CNTLN: variants seen among roughly 807,000 people sequenced by gnomAD.
The protein encoded by CNTLN is centlein, also known as centlein, centrosomal protein.
CNTLN carries 212 observed loss-of-function variants against 180.0 expected under a neutral mutation model. That is an observed-to-expected ratio of 1.18 (90% CI 1.05 to 1.32). CNTLN has a LOEUF of 1.32. Ranked by LOEUF, CNTLN falls within the 40% of genes most tolerant of loss-of-function variation. The pLI, the probability that CNTLN is intolerant of heterozygous loss-of-function variation, is 0.00. For missense variants in CNTLN, 2,095 were observed against 1,610.9 expected, an observed-to-expected ratio of 1.30 and a Z score of -5.14; for synonymous variants, 722 against 563.1, an observed-to-expected ratio of 1.28 and a Z score of -3.99.
chr9:17,200,186 C>T (rs545103050), intron 2 of CNTLN, among the ~76,000 whole-genome samples: 2 of 152,224 alleles, frequency 1.3e-5, no homozygotes, highest in African/African-American at 4.8e-5. Flanking sequence ...CATTCTGTTC[C>T]ATTGGTCTAC....
intron 7 of CNTLN, chr9:17,299,383 G>C: frequency 2.3e-6 from 2 of 867,392 alleles, no homozygotes; most frequent in Non-Finnish European, 2.8e-6. Flanking sequence ...GTGAGGCTTA[G>C]AGAGGTTAAA....
intron 10 of CNTLN, 52 bp from the exon 11 acceptor site, chr9:17,340,775 A>G: frequency 2.0e-6 from 3 of 1,480,688 alleles, no homozygotes; most frequent in South Asian, 2.6e-5. Context: ...TTGAAACATT[A>G]TATTAATACT....
intron 6 of CNTLN, among the ~76,000 whole-genome samples, chr9:17,293,229 T>TG (rs1175407352): frequency 6.6e-6 from 1 of 152,234 alleles, no homozygotes; most frequent in Non-Finnish European, 1.5e-5. Flanking sequence ...CAACCCCTGT[T>TG]GGGGTCTCAC....
rs28874037 is a variant in CNTLN at position 17,200,444 on chromosome 9, G to A, written c.450-25759G>A. On this transcript the variant is annotated intron_variant, in intron 2 of 25. Coordinates refer to ENST00000380647, the MANE Select transcript of CNTLN (RefSeq NM_017738.4). The stretch of plus-strand genomic sequence containing the variant: ...CTTTGGGGAGTATGGCCATTTTTAC[G>A]ATATTGATTCTTCCTATCCATGAGC... 7.2e-3 allele frequency among the ~76,000 whole-genome samples: 1,102 copies of A among 152,150 alleles called. 12 individuals are homozygous for A. The highest frequency in any genetic ancestry group is 0.024 in the African/African-American group (1,000 of 41,496).
At chr9:17,387,735 T>C (rs992662195) in intron 13 of CNTLN, among the ~76,000 whole-genome samples, 2 of 152,186 alleles carry the variant, frequency 1.3e-5, no homozygotes, top group Non-Finnish European at 2.9e-5. Flanking sequence ...ACCCTAATTC[T>C]GTTACTGTTT....
intron 2 of CNTLN, among the ~76,000 whole-genome samples, chr9:17,196,042 G>C (rs901962101): frequency 2.6e-5 from 4 of 151,958 alleles, no homozygotes; most frequent in Admixed American, 2.6e-4. Flanking sequence ...TTACTTTTTT[G>C]AGATGGAGCC....
At chr9:17,333,535 T>C (rs1312649017) in intron 10 of CNTLN, among the ~76,000 whole-genome samples, 1 of 152,160 alleles carries the variant, frequency 6.6e-6, no homozygotes, top group Non-Finnish European at 1.5e-5. Flanking sequence ...TTCTTTGTCA[T>C]ATAATATAGA....
chr9:17,488,985 A>G (rs1833016683), intron 25 of CNTLN, among the ~76,000 whole-genome samples: 1 of 152,162 alleles, frequency 6.6e-6, no homozygotes, highest in Admixed American at 6.6e-5. Flanking sequence ...ACATTTAAAA[A>G]GTCAAAGACT....
chr9:17,188,167 A>G (rs191450668), intron 2 of CNTLN, among the ~76,000 whole-genome samples: 1 of 152,052 alleles, frequency 6.6e-6, no homozygotes, highest in Non-Finnish European at 1.5e-5. Flanking sequence ...TAAATAAAGA[A>G]CTTGCTAGAT....
In CNTLN at chr9:17,320,379, C is replaced by T. The variant is rs560330322; in HGVS notation, c.1342-10253C>T. Among the ~76,000 whole-genome samples the T allele has an allele frequency of 3.4e-5, 4 of 116,832 alleles. 1 individual carries two copies. In the South Asian group the frequency reaches 1.2e-3, roughly 34 times the overall value. 76.6% of individuals were successfully genotyped at this position (116,832 alleles called of 152,430 possible). A position where few individuals can be genotyped will look rare whatever the true frequency, so the allele number is the denominator to read the frequency against. On this transcript the variant is annotated intron_variant, in intron 8 of 25. Coordinates refer to ENST00000380647, the MANE Select transcript of CNTLN (RefSeq NM_017738.4). ...TCTTGATTATATCTATGTACTCTTTCCTGATTCCATCTTTCTTTTTTTTTC... is the reference window on the plus strand; with the variant it reads ...TCTTGATTATATCTATGTACTCTTTTCTGATTCCATCTTTCTTTTTTTTTC...
chr9:17,466,973 A>G, intron 23 of CNTLN, 82 bp downstream of exon 23: 1 of 946,544 alleles, frequency 1.1e-6, no homozygotes, highest in Non-Finnish European at 1.6e-6. Context: ...TTTGGGGAAT[A>G]AAGTTTCTTT....
At chr9:17,273,587 T>C (rs1563945848) in intron 5 of CNTLN, 146 bp from the exon 6 acceptor site, 2 of 446,980 alleles carry the variant, frequency 4.5e-6, no homozygotes, top group Non-Finnish European at 7.7e-6. Flanking sequence ...ATAAAAGTTA[T>C]TGTTTGTGTT....
intron 18 of CNTLN, among the ~76,000 whole-genome samples, chr9:17,437,780 T>G (rs1378709555): frequency 6.6e-6 from 1 of 152,110 alleles, no homozygotes; most frequent in Non-Finnish European, 1.5e-5. Flanking sequence ...TGTATAATAA[T>G]AAAAGGAAAC....
chr9:17,194,029 T>C (rs1424413963), intron 2 of CNTLN, among the ~76,000 whole-genome samples: 2 of 152,184 alleles, frequency 1.3e-5, no homozygotes, highest in Non-Finnish European at 1.5e-5. Flanking sequence ...CTTTCAGTCA[T>C]GGCCAGAGCA....
intron 18 of CNTLN, among the ~76,000 whole-genome samples, chr9:17,436,856 T>A (rs182373563): frequency 1.3e-5 from 2 of 152,344 alleles, no homozygotes; most frequent in Admixed American, 1.3e-4. Context: ...AAAACTACTC[T>A]TTTTGTACCT....
In CNTLN at chr9:17,198,639, A is replaced by T. The variant is rs910020917; in HGVS notation, c.450-27564A>T. Among the ~76,000 whole-genome samples, 3 of 149,716 alleles carry T rather than the reference A, an allele frequency of 2.0e-5. No individual in the cohort carries two copies. The East Asian group carries it at 5.9e-4, about 30-fold the overall frequency. ...AAGTTCTGGGATACACGTGCAGAATATGCAGGTTTGTTACATAGGTATACA... is the reference window on the plus strand; with the variant it reads ...AAGTTCTGGGATACACGTGCAGAATTTGCAGGTTTGTTACATAGGTATACA... On this transcript the variant is annotated intron_variant, in intron 2 of 25. Coordinates refer to ENST00000380647, the MANE Select transcript of CNTLN (RefSeq NM_017738.4).
chr9:17,274,232 A>T (rs1828142276), intron 6 of CNTLN, among the ~76,000 whole-genome samples: 1 of 152,076 alleles, frequency 6.6e-6, no homozygotes, highest in South Asian at 2.1e-4. Context: ...ATTTTATTAT[A>T]TTCTATATAG....
At chr9:17,220,398 C>T (rs1587217481) in intron 2 of CNTLN, among the ~76,000 whole-genome samples, 2 of 152,018 alleles carry the variant, frequency 1.3e-5, no homozygotes, top group African/African-American at 2.4e-5. Flanking sequence ...TAAAGACTAA[C>T]CGTACAGTTT....
At chr9:17,458,592 G>A (rs113186935) in intron 19 of CNTLN, among the ~76,000 whole-genome samples, 26 of 151,838 alleles carry the variant, frequency 1.7e-4, no homozygotes, top group African/African-American at 4.8e-4. Context: ...CATTGTTTTC[G>A]GTCCCAAATA....
Sources: gnomAD v4.1 joint callset for allele counts (sites outside exome capture counted in the v4.1 genomes callset) on GRCh38, gnomAD v4.1.1 for gene constraint, MANE v1.5 for transcripts, NCBI Gene and HGNC (gene_info 2026-07-23, HGNC 2026-07-21) for gene names.